The following GMNN variants were observed in gnomAD, a reference collection of about 807,000 sequenced individuals.
GMNN encodes geminin DNA replication inhibitor, also known as geminin.
Under a neutral mutation model 20.9 loss-of-function variants are expected in GMNN, and 14 were observed. The observed-to-expected ratio is 0.67, with a 90% confidence interval of 0.44 to 1.05. The LOEUF (loss-of-function observed/expected upper bound fraction) is 1.05, where lower values mean the gene tolerates loss of function less well. Ranked by LOEUF, GMNN falls within the 50% of genes least tolerant of loss-of-function variation. GMNN has a pLI of 0.00. For synonymous variants in GMNN, 81 were observed against 85.8 expected (o/e 0.94, Z 0.31); for missense variants, 227 against 243.8 (o/e 0.93, Z 0.46).
chr6:24,784,325 C>T (rs985248360), intron 5 of GMNN, 119 bp from the exon 6 acceptor site: 6 of 682,316 alleles, frequency 8.8e-6, no homozygotes, highest in African/African-American at 1.8e-5. Flanking sequence ...AAATGAATCC[C>T]GTTGTGTTGA....
chr6:24,783,449 ATTAAAC>A (rs370364660), intron 4 of GMNN, among the ~76,000 whole-genome samples: 51 of 152,308 alleles, frequency 3.3e-4, no homozygotes, highest in Middle Eastern at 6.8e-3. Context: ...CATCAATGGA[ATTAAAC>A]TTAGGTAAAA....
intron 3 of GMNN, 95 bp downstream of exon 3, chr6:24,780,835 T>A (rs1780193888): frequency 3.0e-6 from 2 of 674,588 alleles, no homozygotes; most frequent in Non-Finnish European, 5.5e-6. Flanking sequence ...CGTAAATTGT[T>A]GAAATTTGGA....
rs758992599 is a variant in GMNN at position 24,780,747 on chromosome 6, A to G, written c.129+7A>G. ...TGTTGGAAGAGAAAATGAGGTATGC[A>G]CTATATGGCTAAAATGGGGTACTGG... On this transcript the variant is annotated splice_region_variant and intron_variant, in intron 3 of 6. Transcript: ENST00000230056. The G allele has an allele frequency of 7.1e-7, 1 of 1,412,154 alleles. No individual in the cohort carries two copies. Among genetic ancestry groups the G allele is most frequent in the South Asian group, 1.1e-5 (1 of 87,014 alleles). The allele number at this position is 1,412,154 out of a possible 1,614,324, so 87.5% of individuals were successfully genotyped here.
intron 2 of GMNN, among the ~76,000 whole-genome samples, chr6:24,778,339 T>TA (rs551503254): frequency 1.6e-4 from 25 of 152,186 alleles, no homozygotes; most frequent in Non-Finnish European, 2.9e-4. Context: ...ACCCTGTTTC[T>TA]AAAAAACCAT....
chr6:24,775,635 G>C (rs1463487819), intron 1 of GMNN: 4 of 152,300 alleles, frequency 2.6e-5, no homozygotes, highest in African/African-American at 9.6e-5. Flanking sequence ...TGAATTCTGC[G>C]TCTCCCATTA....
At chr6:24,778,638 G>T (rs548588170) in intron 2 of GMNN, among the ~76,000 whole-genome samples, 6 of 151,996 alleles carry the variant, frequency 3.9e-5, no homozygotes, top group Non-Finnish European at 8.8e-5. Flanking sequence ...TCTTGAATAA[G>T]AATGTCAATT....
At chr6:24,783,487 T>G (rs1481838475) in intron 4 of GMNN, among the ~76,000 whole-genome samples, 1 of 152,146 alleles carries the variant, frequency 6.6e-6, no homozygotes, top group African/African-American at 2.4e-5. Context: ...GACAGGGTAT[T>G]GACACAGTCT....
rs1418175991 is a variant in GMNN at position 24,785,722 on chromosome 6, C to A, written c.553C>A (p.Leu185Ile). ...TGAAGAAGAAACTGTTGAGGATTCTCTAGTGGAAGACTCAGAAATTGGCAC... is the reference window on the plus strand; with the variant it reads ...TGAAGAAGAAACTGTTGAGGATTCTATAGTGGAAGACTCAGAAATTGGCAC... Reference protein sequence around the residue: ...DSEEETVEDSLVEDSEIGTCA... With the variant: ...DSEEETVEDSIVEDSEIGTCA... Residue 185 changes from leucine to isoleucine, a missense_variant, in exon 7 of 7, where the codon CTA becomes ATA. Leu to Ile is a conservative substitution (Grantham distance 5). Coordinates refer to ENST00000230056, the MANE Select transcript of GMNN (RefSeq NM_015895.5). The A allele has an allele frequency of 1.1e-5, 18 of 1,567,678 alleles. No homozygotes were observed. The highest frequency in any genetic ancestry group is 1.6e-5 in the Non-Finnish European group (18 of 1,144,916).
chr6:24,784,300 C>T (rs1780293407), intron 5 of GMNN, 131 bp downstream of exon 5: 3 of 686,612 alleles, frequency 4.4e-6, no homozygotes, highest in South Asian at 1.7e-5. Flanking sequence ...AAAGGCAGCT[C>T]TTGACAATTA....
In GMNN at chr6:24,780,702, C is replaced by G; in HGVS notation, c.91C>G (p.Pro31Ala). The G allele has an allele frequency of 6.3e-7, 1 of 1,597,826 alleles. No individual in the cohort carries two copies. The highest frequency in any genetic ancestry group is 8.6e-7 in the Non-Finnish European group (1 of 1,165,302). Residue 31 changes from proline to alanine, a missense_variant, in exon 3 of 7, where the codon CCT becomes GCT. Coordinates refer to ENST00000230056, the MANE Select transcript of GMNN (RefSeq NM_015895.5). ...VPRRTLKMIQPSASGSLVGRE... is the reference protein window; with the variant it reads ...VPRRTLKMIQASASGSLVGRE... ...AAGAAGAACTCTGAAGATGATTCAG[C>G]CTTCTGCATCTGGATCTCTTGTTGG... is the stretch of plus-strand genomic sequence containing the variant.
intron 4 of GMNN, among the ~76,000 whole-genome samples, chr6:24,782,099 A>C (rs1000060848): frequency 6.6e-6 from 1 of 152,108 alleles, no homozygotes; most frequent in Non-Finnish European, 1.5e-5. Flanking sequence ...GGAAAAAAAA[A>C]GGGTAGGGGG....
Position 24,784,254 on chromosome 6 carries a change from C to T in GMNN, c.357+85C>T, listed in dbSNP as rs919635218. 2.9e-5 allele frequency: 23 copies of T among 782,944 alleles called. No homozygotes were observed. In the South Asian group the frequency reaches 3.5e-4, roughly 12 times the overall value. 48.5% of individuals were successfully genotyped at this position (782,944 alleles called of 1,614,324 possible). A position where few individuals can be genotyped will look rare whatever the true frequency, so the allele number is the denominator to read the frequency against. ...GCATATTTTATTAGAGCAATATGGG[C>T]TAGCTTTAGTATTGGCTTAAGAAAA... On this transcript the variant is annotated intron_variant, in intron 5 of 6. Transcript: ENST00000230056.
intron 3 of GMNN, 75 bp from the exon 4 acceptor site, chr6:24,781,402 A>G: frequency 1.1e-6 from 1 of 937,570 alleles, no homozygotes; most frequent in Admixed American, 2.1e-5. Context: ...TTTTTTTAAT[A>G]CATAAATGAA....
chr6:24,780,703 C>T lies in GMNN; in HGVS notation c.92C>T (p.Pro31Leu), dbSNP rs1444080324. Residue 31 changes from proline (P) to leucine (L), a missense_variant, in exon 3 of 7, where the codon CCT (proline) becomes CTT (leucine). Physicochemically the swap from Pro to Leu is moderately conservative, Grantham distance 98. Coordinates refer to ENST00000230056, the MANE Select transcript of GMNN (RefSeq NM_015895.5). ...VPRRTLKMIQPSASGSLVGRE... is the reference protein window; with the variant it reads ...VPRRTLKMIQLSASGSLVGRE... Reference sequence around the variant, plus strand: ...AGAAGAACTCTGAAGATGATTCAGCCTTCTGCATCTGGATCTCTTGTTGGA... The same window carrying T: ...AGAAGAACTCTGAAGATGATTCAGCTTTCTGCATCTGGATCTCTTGTTGGA... 1.3e-6 allele frequency: 2 copies of T among 1,597,964 alleles called. No homozygotes were observed. Among genetic ancestry groups the T allele is most frequent in the Non-Finnish European group, 1.7e-6 (2 of 1,165,558 alleles).
At chr6:24,785,333 A>G (rs1581432513) in intron 6 of GMNN, among the ~76,000 whole-genome samples, 1 of 152,104 alleles carries the variant, frequency 6.6e-6, no homozygotes, top group African/African-American at 2.4e-5. Context: ...TCCACAGCTG[A>G]TTGGAAATGT....
rs1472497989 is a variant in GMNN at position 24,781,422 on chromosome 6, A to G, written c.130-55A>G. ...TTAATACATAAATGAAAAACCACCT[A>G]ATTTCTTGTTAATTAAATCAAAGTA... On this transcript the variant is annotated intron_variant, in intron 3 of 6. Coordinates refer to ENST00000230056, the MANE Select transcript of GMNN (RefSeq NM_015895.5). 4 of 1,200,994 alleles carry G rather than the reference A, an allele frequency of 3.3e-6. No individual in the cohort carries two copies. The Admixed American group carries it at 7.7e-5, about 23-fold the overall frequency. The allele number at this position is 1,200,994 out of a possible 1,614,324, so 74.4% of individuals were successfully genotyped here.
chr6:24,775,996 A>G (rs1197365937), intron 1 of GMNN, among the ~76,000 whole-genome samples: 1 of 152,172 alleles, frequency 6.6e-6, no homozygotes, highest in Non-Finnish European at 1.5e-5. Context: ...TTTGAAGAAC[A>G]TTGCGTAGGG....
rs751254224 is a variant in GMNN, at chr6:24,784,497, G to A, written c.411G>A (p.Glu137=). The A allele has an allele frequency of 1.2e-4, 184 of 1,590,584 alleles. 1 individual carries two copies. Among genetic ancestry groups the A allele is most frequent in the Non-Finnish European group, 1.5e-4 (171 of 1,158,784 alleles). The change falls in exon 6 of 7, where the codon GAG becomes GAA. Residue 137 remains glutamate (E), a synonymous_variant. Coordinates refer to ENST00000230056, the MANE Select transcript of GMNN (RefSeq NM_015895.5). ...ATGAAATTGCCCGCCTGAAAAAGGA[G>A]AATAAAGAACTGGCAGAAGTAGCAG... ...KDNEIARLKK[E]NKELAEVAEH...
At chr6:24,779,119 G>A (rs1158714752) in intron 2 of GMNN, among the ~76,000 whole-genome samples, 3 of 152,162 alleles carry the variant, frequency 2.0e-5, no homozygotes, top group South Asian at 2.1e-4. Context: ...CTTGTGAGTT[G>A]CATGCAAAAT....
Sources: allele counts gnomAD v4.1 joint callset (sites outside exome capture counted in the v4.1 genomes callset), GRCh38; gene constraint gnomAD v4.1.1; transcripts MANE v1.5; gene names NCBI Gene and HGNC (gene_info 2026-07-23, HGNC 2026-07-21).